DGLUCY: variants seen among roughly 807,000 people sequenced by gnomAD.
The protein encoded by DGLUCY is D-glutamate cyclase.
In DGLUCY, 58 loss-of-function variants were observed where a neutral mutation model predicts 58.5. The ratio of observed to expected loss-of-function variants is 0.99; its 90% CI spans 0.80 to 1.23. DGLUCY has a LOEUF of 1.23. Among genes scored for constraint, DGLUCY ranks in the 50% most tolerant of loss-of-function variants. The probability of loss-of-function intolerance (pLI) is 0.00; values close to 1 mark genes in which losing one functional copy is unlikely to be tolerated. For synonymous variants in DGLUCY, 325 were observed against 314.1 expected (o/e 1.03, Z -0.37); for missense variants, 779 against 784.7 (o/e 0.99, Z 0.09).
Position 91,224,842 on chromosome 14 carries a change from G to A in DGLUCY, c.*9G>A, listed in dbSNP as rs781601434. The A allele has an allele frequency of 1.3e-6, 2 of 1,599,686 alleles. No homozygotes were observed. The highest frequency in any genetic ancestry group is 1.1e-5 in the South Asian group (1 of 90,098). On this transcript the variant is annotated 3_prime_UTR_variant, in exon 14 of 14. Transcript: ENST00000256324. ...CCACGGCACAGGTGTAACCGTCCAT[G>A]TTCCGTGTGAGCAGAGTCCCTACCA...
intron 1 of DGLUCY, among the ~76,000 whole-genome samples, chr14:91,069,033 T>G (rs144041218): frequency 2.6e-4 from 40 of 152,348 alleles, no homozygotes; most frequent in African/African-American, 8.7e-4. Context: ...AGGTGGTACA[T>G]GAAGAGTCAT....
chr14:91,195,277 A>G (rs1354676539), intron 9 of DGLUCY, among the ~76,000 whole-genome samples: 1 of 152,212 alleles, frequency 6.6e-6, no homozygotes, highest in East Asian at 1.9e-4. Context: ...TTCTATCCCA[A>G]CCTGCTGTGA....
intron 8 of DGLUCY, among the ~76,000 whole-genome samples, chr14:91,184,110 G>A (rs1448589337): frequency 6.6e-6 from 1 of 152,000 alleles, no homozygotes; most frequent in East Asian, 1.9e-4. Flanking sequence ...GAGGGGTGAG[G>A]CCAGCCTGCA....
intron 3 of DGLUCY, among the ~76,000 whole-genome samples, chr14:91,166,838 T>C (rs1458858445): frequency 2.0e-5 from 3 of 151,798 alleles, no homozygotes; most frequent in Non-Finnish European, 4.4e-5. Context: ...CAATGGCTCA[T>C]GCCTGTAACC....
intron 13 of DGLUCY, chr14:91,223,909 A>G: frequency 3.4e-6 from 1 of 295,406 alleles, no homozygotes; most frequent in Non-Finnish European, 6.6e-6. Context: ...AATTCCTGCC[A>G]GGAAAGACTC....
At chr14:91,167,678 C>T (rs1468297288) in intron 4 of DGLUCY, 1 of 703,776 alleles carries the variant, frequency 1.4e-6, no homozygotes, top group Non-Finnish European at 2.6e-6. Context: ...AGAAACCCGC[C>T]TGTACAGGAT....
chr14:91,068,776 G>T (rs538012032), intron 1 of DGLUCY, among the ~76,000 whole-genome samples: 1 of 152,182 alleles, frequency 6.6e-6, no homozygotes, highest in Non-Finnish European at 1.5e-5. Context: ...ACATAGAAAA[G>T]GTCCCATTTT....
At chr14:91,085,416 T>C (rs761821485) in intron 1 of DGLUCY, among the ~76,000 whole-genome samples, 2 of 151,760 alleles carry the variant, frequency 1.3e-5, no homozygotes, top group Non-Finnish European at 2.9e-5. Context: ...CCCCACATCT[T>C]TTTCCCCTCC....
At chr14:91,188,842 C>T in intron 8 of DGLUCY, 68 bp from the exon 9 acceptor site, 1 of 1,427,936 alleles carries the variant, frequency 7.0e-7, no homozygotes. Flanking sequence ...TAAATAAATA[C>T]ATACATACAT....
intron 1 of DGLUCY, among the ~76,000 whole-genome samples, chr14:91,116,627 G>A (rs1023622615): frequency 1.3e-5 from 2 of 152,152 alleles, no homozygotes; most frequent in African/African-American, 4.8e-5. Flanking sequence ...TAGCAAAGTG[G>A]AAGTGAAAGC....
intron 13 of DGLUCY, among the ~76,000 whole-genome samples, chr14:91,216,860 C>T (rs1022887064): frequency 5.9e-5 from 9 of 152,182 alleles, no homozygotes; most frequent in Non-Finnish European, 1.3e-4. Context: ...AACGTGTGCC[C>T]GTCTAACTTA....
At chr14:91,218,825 C>T (rs1184228661) in intron 13 of DGLUCY, among the ~76,000 whole-genome samples, 2 of 152,238 alleles carry the variant, frequency 1.3e-5, no homozygotes, top group African/African-American at 2.4e-5. Flanking sequence ...GACTCAGGGT[C>T]CACTGGGGAG....
At chr14:91,109,236 GC>G (rs2044653064), upstream of DGLUCY, among the ~76,000 whole-genome samples, 1 of 152,146 alleles carries the variant, frequency 6.6e-6, no homozygotes, top group South Asian at 2.1e-4. Flanking sequence ...TTGCACTGAA[GC>G]CTAGTTGTGC....
At chr14:91,184,581 G>T (rs1021926282) in intron 8 of DGLUCY, among the ~76,000 whole-genome samples, 2 of 102,994 alleles carry the variant, frequency 1.9e-5, no homozygotes, top group African/African-American at 9.3e-5. Flanking sequence ...GAAAGTTGGG[G>T]GGGGGGAGGG....
intron 1 of DGLUCY, among the ~76,000 whole-genome samples, chr14:91,084,885 G>A (rs1187303175): frequency 6.6e-6 from 1 of 152,186 alleles, no homozygotes; most frequent in Non-Finnish European, 1.5e-5. Context: ...GAGAGCCTGA[G>A]ATTTTGTGTT....
intron 1 of DGLUCY, among the ~76,000 whole-genome samples, chr14:91,077,655 G>A (rs1595614562): frequency 6.6e-6 from 1 of 152,102 alleles, no homozygotes; most frequent in South Asian, 2.1e-4. Flanking sequence ...AGGAGGCTGA[G>A]GCAGGCGAAT....
At position 91,173,275 on chromosome 14, in the gene DGLUCY, T is replaced by G; in HGVS notation, c.457-14T>G. ...TTTAACATTTTCACTTGATTTTTTT[T>G]TTTTTTTGGTCAGACAACAGTGCCT... is the stretch of plus-strand genomic sequence containing the variant. On this transcript the variant is annotated splice_polypyrimidine_tract_variant and intron_variant, in intron 5 of 13. Coordinates refer to ENST00000256324, the MANE Select transcript of DGLUCY (RefSeq NM_001102368.3). 1 of 1,612,028 alleles carries G rather than the reference T, an allele frequency of 6.2e-7. No homozygotes were observed. Among genetic ancestry groups the G allele is most frequent in the Non-Finnish European group, 8.5e-7 (1 of 1,179,524 alleles).
chr14:91,168,715 T>C (rs140544630), intron 4 of DGLUCY, among the ~76,000 whole-genome samples: 45 of 152,370 alleles, frequency 3.0e-4, no homozygotes, highest in Non-Finnish European at 5.6e-4. Context: ...ACCTAGACGG[T>C]TGACATTCCT....
At chr14:91,116,108 A>G (rs1295238572) in intron 1 of DGLUCY, among the ~76,000 whole-genome samples, 4 of 152,186 alleles carry the variant, frequency 2.6e-5, no homozygotes, top group African/African-American at 9.7e-5. Context: ...ACACAAAACC[A>G]ACCCTCTCCT....
Sources: allele counts gnomAD v4.1 joint callset (sites outside exome capture counted in the v4.1 genomes callset), GRCh38; gene constraint gnomAD v4.1.1; transcripts MANE v1.5; gene names NCBI Gene and HGNC (gene_info 2026-07-23, HGNC 2026-07-21).